ADAR: variants seen among roughly 807,000 people sequenced by gnomAD.
The protein encoded by ADAR is adenosine deaminase RNA specific, also known as double-stranded RNA-specific adenosine deaminase.
A neutral mutation model predicts 113.2 loss-of-function variants in ADAR; 41 were observed. That is an observed-to-expected ratio of 0.36 (90% CI 0.28 to 0.47). The LOEUF (loss-of-function observed/expected upper bound fraction) is 0.47, where lower values mean the gene tolerates loss of function less well. ADAR is among the 20% of genes least tolerant of loss of function. ADAR has a pLI of 1.00. For synonymous variants in ADAR, 605 were observed against 572.6 expected (o/e 1.06, Z -0.81); for missense variants, 1,242 against 1,540.9 (o/e 0.81, Z 3.25).
At chr1:154,608,405 T>G (rs1041247262), upstream of ADAR, among the ~76,000 whole-genome samples, 4 of 148,744 alleles carry the variant, frequency 2.7e-5, no homozygotes, top group Non-Finnish European at 6.0e-5. Flanking sequence ...CTCGGCTCAC[T>G]GCAACCTCTG....
chr1:154,601,733 G>A lies in ADAR; in HGVS notation c.909C>T (p.Ile303=). 6.2e-7 allele frequency: 1 copy of A among 1,614,218 alleles called. No individual in the cohort carries two copies. Among genetic ancestry groups the A allele is most frequent in the East Asian group, 2.2e-5 (1 of 44,886 alleles). The change falls in exon 2 of 15, where the codon ATC becomes ATT. Residue 303 remains isoleucine (I), a synonymous_variant. Coordinates refer to ENST00000368474, the MANE Select transcript of ADAR (RefSeq NM_001111.5). The surrounding 1 kb of genome is among the most constrained non-coding windows in gnomAD (Gnocchi z 4.7). The part of the protein sequence containing the change: ...FLDMAEIKEK[I]CDYLFNVSDS... ...CAGACACATTGAAGAGATAGTCGCA[G>A]ATTTTCTCCTTGATCTCGGCCATGT...
chr1:154,606,947 A>AATAT (rs5777923), intron 1 of ADAR, among the ~76,000 whole-genome samples: 2,504 of 148,474 alleles, frequency 0.017, 42 homozygotes, highest in African/African-American at 0.038. Flanking sequence ...AAAAAAAAAA[A>AATAT]ATATATATAT....
rs183637132 is a variant in ADAR, at chr1:154,592,814, G to A, written c.2271-2405C>T. 2.1e-3 allele frequency among the ~76,000 whole-genome samples: 326 copies of A among 151,890 alleles called. 2 individuals are homozygous for A. The highest frequency in any genetic ancestry group is 5.4e-3 in the Admixed American group (82 of 15,214). ...GTAAGCAACTAGATGGAGGAATCGG[G>A]AGCTCTGAGTGGTCTCCAGCATTTA... On this transcript the variant is annotated intron_variant, in intron 6 of 14. Transcript: ENST00000368474.
chr1:154,603,211 C>T (rs1293421866), intron 1 of ADAR, among the ~76,000 whole-genome samples: 1 of 152,160 alleles, frequency 6.6e-6, no homozygotes, highest in African/African-American at 2.4e-5. Flanking sequence ...TGAAACTGAA[C>T]CCCAGTCCTC....
intron 6 of ADAR, 23 bp from the exon 7 acceptor site, chr1:154,590,432 TG>T: frequency 1.2e-6 from 2 of 1,607,730 alleles, no homozygotes; most frequent in South Asian, 2.2e-5. Context: ...AAACAGAGAA[TG>T]AAGACAAGTG....
chr1:154,607,247 A>G (rs1386518905), intron 1 of ADAR, among the ~76,000 whole-genome samples: 2 of 152,118 alleles, frequency 1.3e-5, no homozygotes, highest in Non-Finnish European at 1.5e-5. Flanking sequence ...CGTGCTTAGC[A>G]TAACGCACTT....
rs753243010 is a variant in ADAR at position 154,602,462 on chromosome 1, C to T, written c.180G>A (p.Gln60=). 2 of 1,613,718 alleles carry T rather than the reference C, an allele frequency of 1.2e-6. No individual in the cohort carries two copies. Among genetic ancestry groups the T allele is most frequent in the African/African-American group, 2.7e-5 (2 of 74,924 alleles). Residue 60 remains glutamine, a synonymous_variant, in exon 2 of 15, where the codon CAG becomes CAA. Coordinates refer to ENST00000368474, the MANE Select transcript of ADAR (RefSeq NM_001111.5). ...QLPEAPVIGK[Q]TPSLPPSLPG... is the part of the protein sequence containing the mutation. ...GGAGGGAAGGTGGCAGTGACGGTGT[C>T]TGCTTTCCAATCACCGGTGCTTCTG... is the stretch of plus-strand genomic sequence containing the variant.
At chr1:154,620,913 T>C (rs1419750584) in intron 1 of ADAR, among the ~76,000 whole-genome samples, 1 of 152,220 alleles carries the variant, frequency 6.6e-6, no homozygotes, top group African/African-American at 2.4e-5. Flanking sequence ...GAAGAGGAAC[T>C]GGAAGAGGCT....
In ADAR at chr1:154,596,856, A is replaced by C; in HGVS notation, c.2219T>G (p.Phe740Cys). ...GTCGACCAACTTGAATTCAGCAGCA[A>C]AGCCATGGGAGCGGGCGTACTCCAA... ...GLLEYARSHG[F>C]AAEFKLVDQS... Residue 740 changes from phenylalanine (F) to cysteine (C), a missense_variant, in exon 6 of 15, where the codon TTT becomes TGT. Physicochemically the swap from Phe to Cys is radical, Grantham distance 205. Coordinates refer to ENST00000368474, the MANE Select transcript of ADAR (RefSeq NM_001111.5). 6.2e-7 allele frequency: 1 copy of C among 1,614,034 alleles called. No individual in the cohort carries two copies. Among genetic ancestry groups the C allele is most frequent in the Non-Finnish European group, 8.5e-7 (1 of 1,180,002 alleles).
intron 1 of ADAR, among the ~76,000 whole-genome samples, chr1:154,627,526 T>C (rs6694084): frequency 6.6e-6 from 1 of 152,088 alleles, no homozygotes; most frequent in South Asian, 2.1e-4. Context: ...TACCCAGCTG[T>C]TGGGCCTTTG....
At position 154,591,966 on chromosome 1, in the gene ADAR, G is replaced by A. The variant is rs558027686; in HGVS notation, c.2271-1557C>T. ...TAGTATCTTTACCTCAGGGATCCAG[G>A]AGAATTTCATGACTGCCCCATGTGT... On this transcript the variant is annotated intron_variant, in intron 6 of 14. Transcript: ENST00000368474. Among the ~76,000 whole-genome samples, 5 of 152,312 alleles carry A rather than the reference G, an allele frequency of 3.3e-5. No homozygotes were observed. The South Asian group carries it at 1.0e-3, about 32-fold the overall frequency.
intron 13 of ADAR, 75 bp downstream of exon 13, chr1:154,585,678 T>C (rs1424344564): frequency 1.5e-6 from 2 of 1,290,434 alleles, no homozygotes; most frequent in East Asian, 2.3e-5. Context: ...GCCCACAGTG[T>C]ACATTTTTCC....
At chr1:154,609,194 CTCAT>C (rs1698395670), upstream of ADAR, among the ~76,000 whole-genome samples, 1 of 152,218 alleles carries the variant, frequency 6.6e-6, no homozygotes, top group African/African-American at 2.4e-5. Flanking sequence ...CTTCTCTACA[CTCAT>C]TCAAATTACA....
At chr1:154,612,548 C>T (rs963918608), upstream of ADAR, among the ~76,000 whole-genome samples, 2 of 151,750 alleles carry the variant, frequency 1.3e-5, no homozygotes, top group African/African-American at 2.4e-5. Context: ...AGGATGGTCT[C>T]GATCTCCTGA....
chr1:154,589,733 G>C (rs371802266), intron 8 of ADAR, 24 bp downstream of exon 8: 1 of 1,613,954 alleles, frequency 6.2e-7, no homozygotes, highest in South Asian at 1.1e-5. Flanking sequence ...CATGGGAGGC[G>C]GCATGTCTCA....
chr1:154,613,283 T>C (rs1486108135), intron 1 of ADAR, among the ~76,000 whole-genome samples: 1 of 18,580 alleles, frequency 5.4e-5, no homozygotes, highest in Non-Finnish European at 1.4e-4. Context: ...ACAAATGGCT[T>C]TTTTTTTTTT....
At chr1:154,606,097 T>C (rs1174976169) in intron 1 of ADAR, 1 of 247,406 alleles carries the variant, frequency 4.0e-6, no homozygotes, top group Non-Finnish European at 6.4e-6. Context: ...CAGGCTGGAG[T>C]GCAGTGTGAT....
At chr1:154,586,506 C>T (rs1057429299) in intron 11 of ADAR, 143 bp from the exon 12 acceptor site, 29 of 890,122 alleles carry the variant, frequency 3.3e-5, no homozygotes, top group Non-Finnish European at 5.2e-5. Flanking sequence ...ATGCGCCAGG[C>T]ACTATGCTTG....
At chr1:154,613,913 A>C (rs1310630740) in intron 1 of ADAR, among the ~76,000 whole-genome samples, 1 of 151,792 alleles carries the variant, frequency 6.6e-6, no homozygotes, top group Non-Finnish European at 1.5e-5. Context: ...TCAAAAAAAA[A>C]AAAAAAGAAA....
Sources: allele counts gnomAD v4.1 joint callset (sites outside exome capture counted in the v4.1 genomes callset), GRCh38; gene constraint gnomAD v4.1.1; non-coding constraint Gnocchi (gnomAD v3.1); transcripts MANE v1.5; gene names NCBI Gene and HGNC (gene_info 2026-07-23, HGNC 2026-07-21).